Variants in HOMER1 observed in about 807,000 individuals in gnomAD.
The protein encoded by HOMER1 is homer scaffold protein 1, also known as homer protein homolog 1.
A neutral mutation model predicts 48.9 loss-of-function variants in HOMER1; 3 were observed. That is an observed-to-expected ratio of 0.06 (90% CI 0.03 to 0.16). The LOEUF (loss-of-function observed/expected upper bound fraction) is 0.16, where lower values mean the gene tolerates loss of function less well. Ranked by LOEUF, HOMER1 falls within the 10% of genes least tolerant of loss-of-function variation. The pLI, the probability that HOMER1 is intolerant of heterozygous loss-of-function variation, is 1.00. For synonymous variants in HOMER1, 134 were observed against 146.4 expected (o/e 0.92, Z 0.61); for missense variants, 247 against 411.4 (o/e 0.60, Z 3.46).
chr5:79,456,145 C>CAAAAAAAA (rs66567622), intron 2 of HOMER1, among the ~76,000 whole-genome samples: 1 of 112,534 alleles, frequency 8.9e-6, no homozygotes, highest in African/African-American at 3.2e-5. Context: ...GACTCCGTCT[C>CAAAAAAAA]AAAAAAAAAA....
chr5:79,419,521 C>T (rs949550241), intron 5 of HOMER1, among the ~76,000 whole-genome samples: 1 of 151,750 alleles, frequency 6.6e-6, no homozygotes, highest in Admixed American at 6.6e-5. Flanking sequence ...GTGGTATTTT[C>T]CCTATCTTTC....
intron 1 of HOMER1, among the ~76,000 whole-genome samples, chr5:79,499,523 A>ACTT (rs10673525): frequency 6.6e-6 from 1 of 152,086 alleles, no homozygotes; most frequent in Admixed American, 6.5e-5. Context: ...AATTTGAAAA[A>ACTT]ACAGGTTAAC....
chr5:79,450,243 C>T (rs1750994501), intron 3 of HOMER1, among the ~76,000 whole-genome samples: 1 of 152,184 alleles, frequency 6.6e-6, no homozygotes, highest in South Asian at 2.1e-4. Flanking sequence ...CAGGCACAAG[C>T]TCTGAAGAGA....
At chr5:79,491,428 G>C (rs1023120524) in intron 1 of HOMER1, among the ~76,000 whole-genome samples, 2 of 97,534 alleles carry the variant, frequency 2.1e-5, no homozygotes, top group Non-Finnish European at 3.5e-5. Context: ...GACAGAGCGA[G>C]ACCTTGTCTC....
At chr5:79,404,190 TG>T (rs1238706265) in intron 5 of HOMER1, among the ~76,000 whole-genome samples, 8 of 152,310 alleles carry the variant, frequency 5.3e-5, no homozygotes, top group African/African-American at 1.9e-4. Context: ...AAAAATTAAC[TG>T]GAAGAAACAA....
Position 79,374,183 on chromosome 5 carries a change from A to G in HOMER1, c.*1826T>C, listed in dbSNP as rs1748701290. 6.6e-6 allele frequency: 1 copy of G among 152,448 alleles called. No individual in the cohort carries two copies. Among genetic ancestry groups the G allele is most frequent in the South Asian group, 2.1e-4 (1 of 4,832 alleles). 9.4% of individuals were successfully genotyped at this position (152,448 alleles called of 1,614,324 possible). On this transcript the variant is annotated 3_prime_UTR_variant, in exon 9 of 9. Transcript: ENST00000334082. ...TTCCATCAATCAAATACATTTTGTT[A>G]CCTGATTTATCAGAGAAATATCTCA...
chr5:79,437,444 CTA>C (rs1750617284), intron 5 of HOMER1, among the ~76,000 whole-genome samples: 2 of 152,068 alleles, frequency 1.3e-5, no homozygotes, highest in Non-Finnish European at 2.9e-5. Context: ...TTTTAAAAGA[CTA>C]TGTAATGTAA....
intron 1 of HOMER1, among the ~76,000 whole-genome samples, chr5:79,505,485 T>G (rs1752743042): frequency 6.6e-6 from 1 of 152,202 alleles, no homozygotes. Flanking sequence ...ATTTAATGTC[T>G]ACCTAACTCT....
chr5:79,475,995 T>C (rs1751766533), intron 1 of HOMER1, among the ~76,000 whole-genome samples: 1 of 152,174 alleles, frequency 6.6e-6, no homozygotes, highest in African/African-American at 2.4e-5. Context: ...ATCAATAACT[T>C]GTCACTTACT....
chr5:79,446,804 A>ATTTTTTT (rs35036295), intron 4 of HOMER1, among the ~76,000 whole-genome samples: 16 of 101,712 alleles, frequency 1.6e-4, no homozygotes, highest in South Asian at 3.9e-4. Context: ...CACTTGGCTA[A>ATTTTTTT]TTTTTTTTTT....
chr5:79,402,438 G>A (rs1380610405), intron 5 of HOMER1, among the ~76,000 whole-genome samples: 5 of 152,158 alleles, frequency 3.3e-5, no homozygotes, highest in African/African-American at 1.2e-4. Flanking sequence ...CAAAGTACTG[G>A]GATTACAGGC....
chr5:79,396,732 C>T (rs1172787782), intron 8 of HOMER1, 91 bp downstream of exon 8: 1 of 626,608 alleles, frequency 1.6e-6, no homozygotes, highest in Non-Finnish European at 2.7e-6. Flanking sequence ...CAAAAACCTA[C>T]AAAATGGAGT....
chr5:79,416,988 G>C (rs1749959256), intron 5 of HOMER1, among the ~76,000 whole-genome samples: 1 of 152,104 alleles, frequency 6.6e-6, no homozygotes, highest in Non-Finnish European at 1.5e-5. Context: ...CAGATCTAAG[G>C]GAAGGGAATA....
chr5:79,429,615 A>G (rs1401893186), intron 5 of HOMER1, among the ~76,000 whole-genome samples: 2 of 152,238 alleles, frequency 1.3e-5, no homozygotes, highest in Non-Finnish European at 2.9e-5. Flanking sequence ...CCAAAACTAT[A>G]AAACTCTCAG....
chr5:79,397,511 A>G lies in HOMER1; in HGVS notation c.795+16T>C. On this transcript the variant is annotated intron_variant, in intron 7 of 8. Transcript: ENST00000334082. ...CATGTTAGCTAGATTACAGATGAGT[A>G]AAAAGCAGCAAATACCTCTTCCTTC... The G allele has an allele frequency of 7.2e-7, 1 of 1,394,492 alleles. No homozygotes were observed. The highest frequency in any genetic ancestry group is 1.0e-6 in the Non-Finnish European group (1 of 984,232). The allele number at this position is 1,394,492 out of a possible 1,614,324, so 86.4% of individuals were successfully genotyped here. A position where few individuals can be genotyped will look rare whatever the true frequency, so the allele number is the denominator to read the frequency against.
intron 6 of HOMER1, among the ~76,000 whole-genome samples, chr5:79,401,499 G>A (rs6453446): frequency 0.51 from 77,938 of 152,010 alleles, 24,508 homozygotes; most frequent in African/African-American, 0.88. Flanking sequence ...CAACTCAGGA[G>A]AAAAGCATTC....
At chr5:79,421,735 G>A (rs999142527) in intron 5 of HOMER1, among the ~76,000 whole-genome samples, 2 of 151,702 alleles carry the variant, frequency 1.3e-5, no homozygotes, top group African/African-American at 2.4e-5. Context: ...CTCCCGAGTA[G>A]CTGGGATTAC....
chr5:79,384,650 G>A (rs1320823092), intron 8 of HOMER1, among the ~76,000 whole-genome samples: 1 of 151,942 alleles, frequency 6.6e-6, no homozygotes, highest in Non-Finnish European at 1.5e-5. Context: ...ATTCTATGAG[G>A]CCAGCATTAC....
intron 6 of HOMER1, among the ~76,000 whole-genome samples, chr5:79,399,316 T>C (rs1422906457): frequency 6.6e-6 from 1 of 152,168 alleles, no homozygotes; most frequent in Non-Finnish European, 1.5e-5. Context: ...TCCATAGTCT[T>C]ATTTCTCTGA....
Sources: gnomAD v4.1 joint callset for allele counts (sites outside exome capture counted in the v4.1 genomes callset) on GRCh38, gnomAD v4.1.1 for gene constraint, MANE v1.5 for transcripts, NCBI Gene and HGNC (gene_info 2026-07-23, HGNC 2026-07-21) for gene names.